MAGT1: variants seen among roughly 807,000 people sequenced by gnomAD.
The protein encoded by MAGT1 is dolichyl-diphosphooligosaccharide--protein glycosyltransferase subunit MAGT1.
MAGT1 carries 4 observed loss-of-function variants against 28.4 expected under a neutral mutation model. The ratio of observed to expected loss-of-function variants is 0.14; its 90% confidence interval spans 0.07 to 0.32. MAGT1 has a LOEUF of 0.32. Among genes scored for constraint, MAGT1 ranks in the 10% least tolerant of loss-of-function variants. The pLI, the probability that MAGT1 is intolerant of heterozygous loss-of-function variation, is 1.00. For missense variants in MAGT1, 193 were observed against 264.5 expected (o/e 0.73, Z 1.88); for synonymous variants, 89 against 89.7 (o/e 0.99, Z 0.04).
rs2076895504 is a variant in MAGT1, at chrX:77,830,846, C to T, written c.951G>A (p.Met317Ile). ...IGLVVLFFSWMLSIFRSKYHG... is the reference protein window; with the variant it reads ...IGLVVLFFSWILSIFRSKYHG... Reference sequence around the variant, plus strand: ...GATATTTAGATCTAAAAATAGAGAGCATCCAACTGAAGAATAATACAACAA... The same window carrying T: ...GATATTTAGATCTAAAAATAGAGAGTATCCAACTGAAGAATAATACAACAA... Residue 317 changes from methionine (M) to isoleucine (I), a missense_variant, in exon 9 of 10, where the codon ATG becomes ATA. Transcript: ENST00000618282. 8.6e-7 allele frequency: 1 copy of T among 1,159,693 alleles called. No homozygotes were observed. The highest frequency in any genetic ancestry group is 1.2e-6 in the Non-Finnish European group (1 of 862,188).
intron 7 of MAGT1, among the ~76,000 whole-genome samples, chrX:77,847,230 G>T (rs1390207091): frequency 8.9e-6 from 1 of 112,716 alleles, no homozygotes; most frequent in African/African-American, 3.2e-5. Flanking sequence ...GACCCTCCAA[G>T]CCAGGTGTGG....
intron 1 of MAGT1, among the ~76,000 whole-genome samples, chrX:77,879,740 G>A (rs1017197631): frequency 7.4e-5 from 8 of 107,741 alleles, no homozygotes; most frequent in African/African-American, 2.4e-4. Flanking sequence ...ATGTAAGAAA[G>A]AAATGATTAA....
chrX:77,836,093 C>T (rs1311688296), intron 8 of MAGT1, among the ~76,000 whole-genome samples: 7 of 111,176 alleles, frequency 6.3e-5, no homozygotes, highest in African/African-American at 2.3e-4. Flanking sequence ...AGTGAGCCAC[C>T]ATGCCCAGCC....
intron 3 of MAGT1, chrX:77,868,514 G>A: frequency 6.4e-6 from 1 of 156,198 alleles, no homozygotes; most frequent in Non-Finnish European, 1.3e-5. Context: ...GTGGGCACCT[G>A]TAATTCCAGC....
intron 8 of MAGT1, among the ~76,000 whole-genome samples, chrX:77,834,837 G>T (rs782035372): frequency 1.8e-5 from 2 of 110,299 alleles, no homozygotes; most frequent in South Asian, 3.9e-4. Flanking sequence ...TCAATCCACA[G>T]AATGGGAGAA....
At position 77,826,064 on chromosome X, in the gene MAGT1, T is replaced by C. The variant is rs2076882321; in HGVS notation, c.*3156A>G. On this transcript the variant is annotated 3_prime_UTR_variant, in exon 10 of 10. Coordinates refer to ENST00000618282, the MANE Select transcript of MAGT1 (RefSeq NM_001367916.1). ...AGGAAATTACCTAGTCAAGGAATGT[T>C]CACTGTCTGGGACGAAAGGTAGATC... Among the ~76,000 whole-genome samples, 2 of 112,414 alleles carry C rather than the reference T, an allele frequency of 1.8e-5. No individual in the cohort carries two copies. The highest frequency in any genetic ancestry group is 6.5e-5 in the African/African-American group (2 of 30,986).
intron 6 of MAGT1, among the ~76,000 whole-genome samples, 188 bp downstream of exon 6, chrX:77,855,313 C>T (rs782760580): frequency 4.1e-4 from 44 of 106,594 alleles, no homozygotes; most frequent in African/African-American, 1.4e-3. Context: ...ATCTCCGTTT[C>T]GAAAAAAAGA....
intron 8 of MAGT1, among the ~76,000 whole-genome samples, chrX:77,832,777 C>T (rs1171214643): frequency 1.1e-5 from 1 of 92,631 alleles, no homozygotes; most frequent in Non-Finnish European, 2.0e-5. Context: ...GAACCAAGAT[C>T]GCGCCACTGC....
At chrX:77,880,514 C>T (rs1011266951) in intron 1 of MAGT1, among the ~76,000 whole-genome samples, 5 of 108,703 alleles carry the variant, frequency 4.6e-5, no homozygotes, top group African/African-American at 6.7e-5. Context: ...GGTGACAGAG[C>T]GACACTCAGT....
At chrX:77,871,225 T>C (rs1283807190) in intron 2 of MAGT1, among the ~76,000 whole-genome samples, 2 of 112,495 alleles carry the variant, frequency 1.8e-5, no homozygotes, top group African/African-American at 3.2e-5. Flanking sequence ...TGGAAATATA[T>C]AGCTAATCGC....
intron 1 of MAGT1, among the ~76,000 whole-genome samples, chrX:77,890,391 A>G (rs1172959194): frequency 4.5e-5 from 5 of 112,183 alleles, no homozygotes; most frequent in African/African-American, 1.6e-4. Flanking sequence ...TAATCCTTAA[A>G]TGCCATCTGC....
chrX:77,867,866 T>C (rs1313708561), intron 3 of MAGT1, among the ~76,000 whole-genome samples: 6 of 67,288 alleles, frequency 8.9e-5, no homozygotes, highest in African/African-American at 2.1e-4. Flanking sequence ...TTTATTTTTT[T>C]CCAAGAATAC....
chrX:77,849,752 G>A (rs1176682249), intron 7 of MAGT1, among the ~76,000 whole-genome samples: 4 of 109,851 alleles, frequency 3.6e-5, no homozygotes, highest in African/African-American at 1.3e-4. Flanking sequence ...GCAGGTGCCT[G>A]TAATTCCAGC....
intron 1 of MAGT1, among the ~76,000 whole-genome samples, chrX:77,890,686 A>G (rs782027693): frequency 8.9e-6 from 1 of 112,080 alleles, no homozygotes; most frequent in African/African-American, 3.2e-5. Flanking sequence ...ATATAATCTC[A>G]CTTTATTTTC....
intron 1 of MAGT1, among the ~76,000 whole-genome samples, chrX:77,886,250 C>T (rs1223932383): frequency 9.0e-6 from 1 of 111,666 alleles, no homozygotes; most frequent in Non-Finnish European, 1.9e-5. Context: ...GATAAAGTAA[C>T]CCAAAACTTC....
chrX:77,834,162 C>T (rs1239953725), intron 8 of MAGT1, among the ~76,000 whole-genome samples: 2 of 99,044 alleles, frequency 2.0e-5, no homozygotes, highest in African/African-American at 3.7e-5. Flanking sequence ...TAAGACTGTA[C>T]ACCATATATA....
chrX:77,876,160 ATATATTTTTTT>A (rs1485000596), intron 1 of MAGT1, among the ~76,000 whole-genome samples: 169 of 32,090 alleles, frequency 5.3e-3, no homozygotes, highest in African/African-American at 0.017. Context: ...ATATATATAT[ATATATTTTTTT>A]TTTTTTTTTT....
intron 7 of MAGT1, among the ~76,000 whole-genome samples, chrX:77,842,507 T>C (rs1426081125): frequency 3.6e-5 from 4 of 111,887 alleles, no homozygotes; most frequent in Non-Finnish European, 3.8e-5. Context: ...TACTAACCTA[T>C]CTAATTTTAT....
At chrX:77,895,567 A>C (rs1304944188), upstream of MAGT1, 1 of 1,007,792 alleles carries the variant, frequency 9.9e-7, no homozygotes, top group Non-Finnish European at 1.3e-6. Flanking sequence ...CTGGCGCTAC[A>C]CGCCCGCTAA....
Sources: allele counts gnomAD v4.1 joint callset (sites outside exome capture counted in the v4.1 genomes callset), GRCh38; gene constraint gnomAD v4.1.1; transcripts MANE v1.5; gene names NCBI Gene and HGNC (gene_info 2026-07-23, HGNC 2026-07-21).